The following ADAMTS16 variants were observed in gnomAD, a reference collection of about 807,000 sequenced individuals.
The protein encoded by ADAMTS16 is ADAM metallopeptidase with thrombospondin type 1 motif 16, also known as A disintegrin and metalloproteinase with thrombospondin motifs 16.
In ADAMTS16, 94 loss-of-function variants were observed where a neutral mutation model predicts 145.8. The ratio of observed to expected loss-of-function variants is 0.64; its 90% CI spans 0.55 to 0.77. The LOEUF (loss-of-function observed/expected upper bound fraction) is 0.77, where lower values mean the gene tolerates loss of function less well. Ranked by LOEUF, ADAMTS16 falls within the 30% of genes least tolerant of loss-of-function variation. ADAMTS16 has a pLI of 0.00. For missense variants in ADAMTS16, 1,585 were observed against 1,591.5 expected, an observed-to-expected ratio of 1.00 and a Z score of 0.07; for synonymous variants, 659 against 604.3, an observed-to-expected ratio of 1.09 and a Z score of -1.33.
At chr5:5,307,478 G>T (rs530019676) in intron 21 of ADAMTS16, among the ~76,000 whole-genome samples, 1 of 152,320 alleles carries the variant, frequency 6.6e-6, no homozygotes, top group East Asian at 1.9e-4. Flanking sequence ...TGGAGAGATG[G>T]AGGTGGAAGG....
intron 21 of ADAMTS16, among the ~76,000 whole-genome samples, chr5:5,307,917 C>A (rs1740249772): frequency 6.6e-6 from 1 of 152,196 alleles, no homozygotes; most frequent in Non-Finnish European, 1.5e-5. Flanking sequence ...AGGAGGCAGA[C>A]AGAGGTTGCA....
chr5:5,262,931 G>C, intron 18 of ADAMTS16, 148 bp downstream of exon 18: 1 of 1,178,266 alleles, frequency 8.5e-7, no homozygotes, highest in Non-Finnish European at 1.2e-6. Context: ...GAGCTGCCTG[G>C]ACAAGGGACC....
chr5:5,284,970 A>G (rs1560987352), intron 18 of ADAMTS16, among the ~76,000 whole-genome samples: 1 of 152,210 alleles, frequency 6.6e-6, no homozygotes, highest in South Asian at 2.1e-4. Flanking sequence ...TATGGAACCA[A>G]TACCAATGGC....
intron 6 of ADAMTS16, 151 bp from the exon 7 acceptor site, chr5:5,189,820 A>G: frequency 1.2e-6 from 1 of 869,214 alleles, no homozygotes; most frequent in Non-Finnish European, 1.7e-6. Context: ...GTTTTATAGA[A>G]TACGTAAAAT....
chr5:5,170,156 G>A (rs549576296), intron 3 of ADAMTS16, among the ~76,000 whole-genome samples: 39 of 152,144 alleles, frequency 2.6e-4, no homozygotes, highest in African/African-American at 8.2e-4. Context: ...ACTAATTTAC[G>A]TTCCTACCAA....
At chr5:5,311,689 C>T (rs943294684) in intron 21 of ADAMTS16, among the ~76,000 whole-genome samples, 6 of 151,254 alleles carry the variant, frequency 4.0e-5, no homozygotes, top group African/African-American at 7.3e-5. Context: ...TGGGACTACA[C>T]GTGCACACCA....
intron 9 of ADAMTS16, 125 bp downstream of exon 9, chr5:5,200,394 T>A: frequency 7.9e-7 from 1 of 1,272,828 alleles, no homozygotes; most frequent in Non-Finnish European, 1.1e-6. Context: ...TGAAGGTGTC[T>A]TGAGACATTC....
chr5:5,306,373 A>C, intron 20 of ADAMTS16, 131 bp from the exon 21 acceptor site: 1 of 799,914 alleles, frequency 1.3e-6, no homozygotes, highest in African/African-American at 1.7e-5. Context: ...AAAAATGCTA[A>C]GGTCCAATAA....
At chr5:5,172,243 C>T (rs1735060868) in intron 3 of ADAMTS16, among the ~76,000 whole-genome samples, 2 of 151,874 alleles carry the variant, frequency 1.3e-5, no homozygotes, top group South Asian at 2.1e-4. Flanking sequence ...GTTTTACTTT[C>T]ATCTATTTTG....
intron 17 of ADAMTS16, among the ~76,000 whole-genome samples, chr5:5,249,216 A>C (rs957941936): frequency 6.6e-6 from 1 of 152,218 alleles, no homozygotes; most frequent in Non-Finnish European, 1.5e-5. Context: ...GTGTATTGTC[A>C]TAAAAAGTCT....
intron 18 of ADAMTS16, among the ~76,000 whole-genome samples, chr5:5,295,804 C>T (rs1314343871): frequency 2.0e-5 from 3 of 152,192 alleles, no homozygotes; most frequent in African/African-American, 7.2e-5. Context: ...GAGTAGAAAG[C>T]CGAAGGGTCT....
intron 22 of ADAMTS16, among the ~76,000 whole-genome samples, chr5:5,318,675 G>C (rs1021734699): frequency 6.6e-6 from 1 of 152,206 alleles, no homozygotes; most frequent in South Asian, 2.1e-4. Flanking sequence ...CTGGGCGCCT[G>C]TTAAGGCTAT....
In ADAMTS16 at chr5:5,305,471, C is replaced by G. The variant is rs1160110509; in HGVS notation, c.3187-1033C>G. ...ACATCCACACCACACACACACACAT[C>G]CCACACCACACACACACAATCCCAC... is the stretch of plus-strand genomic sequence containing the variant. On this transcript the variant is annotated intron_variant, in intron 20 of 22. Coordinates refer to ENST00000274181, the MANE Select transcript of ADAMTS16 (RefSeq NM_139056.4). Among the ~76,000 whole-genome samples, 182 of 114,424 alleles carry G rather than the reference C, an allele frequency of 1.6e-3. 8 individuals are homozygous for G. The highest frequency in any genetic ancestry group is 5.8e-3 in the African/African-American group (177 of 30,760). 75.1% of individuals were successfully genotyped at this position (114,424 alleles called of 152,430 possible). A position where few individuals can be genotyped will look rare whatever the true frequency, so the allele number is the denominator to read the frequency against.
At chr5:5,204,742 T>A (rs1013327910) in intron 9 of ADAMTS16, among the ~76,000 whole-genome samples, 5 of 152,260 alleles carry the variant, frequency 3.3e-5, no homozygotes, top group Non-Finnish European at 7.3e-5. Context: ...GCACTGTGAA[T>A]ATTCTCTTGG....
chr5:5,256,561 G>A (rs1462019859), intron 17 of ADAMTS16, among the ~76,000 whole-genome samples: 1 of 152,080 alleles, frequency 6.6e-6, no homozygotes, highest in Admixed American at 6.6e-5. Context: ...TTGGGACTTT[G>A]CCCACACTGA....
chr5:5,265,509 A>T (rs1438673633), intron 18 of ADAMTS16, among the ~76,000 whole-genome samples: 4 of 152,244 alleles, frequency 2.6e-5, no homozygotes, highest in Admixed American at 6.5e-5. Context: ...TGCAGGTGTC[A>T]GCCAGAACAA....
At chr5:5,150,471 A>G (rs1472539358) in intron 3 of ADAMTS16, among the ~76,000 whole-genome samples, 2 of 152,228 alleles carry the variant, frequency 1.3e-5, no homozygotes, top group East Asian at 3.8e-4. Flanking sequence ...TGAGTGGATG[A>G]AGTCTTGTCT....
rs181713225 is a variant in ADAMTS16 at position 5,155,282 on chromosome 5, T to C, written c.501+8827T>C. 1.1e-4 allele frequency among the ~76,000 whole-genome samples: 17 copies of C among 152,152 alleles called. No homozygotes were observed. In the East Asian group the frequency reaches 3.3e-3, roughly 30 times the overall value. On this transcript the variant is annotated intron_variant, in intron 3 of 22. Transcript: ENST00000274181. ...GTTAAGGGCTTCCTTGGCCCACCCA[T>C]CTAAACTCGCCCAGTCCCTGTTTCA...
chr5:5,270,403 C>T (rs563675031), intron 18 of ADAMTS16, among the ~76,000 whole-genome samples: 2 of 152,246 alleles, frequency 1.3e-5, no homozygotes, highest in African/African-American at 4.8e-5. Flanking sequence ...CTGGGCTCGA[C>T]CCTGCCTTCC....
Sources: gnomAD v4.1 joint callset for allele counts (sites outside exome capture counted in the v4.1 genomes callset) on GRCh38, gnomAD v4.1.1 for gene constraint, MANE v1.5 for transcripts, NCBI Gene and HGNC (gene_info 2026-07-23, HGNC 2026-07-21) for gene names.